Variants in NHS observed in about 807,000 individuals in gnomAD.
NHS encodes the protein actin remodeling regulator NHS.
NHS carries 5 observed loss-of-function variants against 72.5 expected under a neutral mutation model. The ratio of observed to expected loss-of-function variants is 0.07; its 90% CI spans 0.04 to 0.14. The LOEUF is 0.14. NHS is among the 10% of genes least tolerant of loss of function. NHS has a pLI of 1.00. For synonymous variants in NHS, 464 were observed against 547.7 expected, an observed-to-expected ratio of 0.85 and a Z score of 2.13; for missense variants, 1,072 against 1,355.7, an observed-to-expected ratio of 0.79 and a Z score of 3.29.
intron 2 of NHS, among the ~76,000 whole-genome samples, chrX:17,689,737 A>G (rs181931996): frequency 8.9e-6 from 1 of 112,652 alleles, no homozygotes; most frequent in African/African-American, 3.2e-5. Context: ...TTGAGGGCAC[A>G]GGATGACTAT....
At chrX:17,392,449 A>T (rs1167996726) in intron 1 of NHS, among the ~76,000 whole-genome samples, 1 of 112,393 alleles carries the variant, frequency 8.9e-6, no homozygotes. Context: ...CAGATGACAA[A>T]GTTACTCCAA....
intron 3 of NHS, among the ~76,000 whole-genome samples, chrX:17,704,294 AT>A (rs1268994599): frequency 9.1e-6 from 1 of 109,326 alleles, no homozygotes; most frequent in African/African-American, 3.3e-5. Flanking sequence ...AAATTTAAAA[AT>A]TAAAAAAAAA....
At chrX:17,566,988 G>T (rs1014650743) in intron 1 of NHS, among the ~76,000 whole-genome samples, 13 of 111,851 alleles carry the variant, frequency 1.2e-4, no homozygotes, top group African/African-American at 3.6e-4. Context: ...TCATCTGCCT[G>T]TCAAGCTGAG....
At chrX:17,431,895 A>G (rs1490590178) in intron 1 of NHS, among the ~76,000 whole-genome samples, 1 of 111,814 alleles carries the variant, frequency 8.9e-6, no homozygotes, top group African/African-American at 3.3e-5. Context: ...CATTTTGTTG[A>G]ACTTACTTGA....
At chrX:17,677,815 G>A (rs895013741) in intron 1 of NHS, among the ~76,000 whole-genome samples, 4 of 111,430 alleles carry the variant, frequency 3.6e-5, no homozygotes, top group African/African-American at 1.3e-4. Flanking sequence ...CTTTCATTTC[G>A]TTTTATTTTT....
At chrX:17,572,415 AT>A in intron 1 of NHS, among the ~76,000 whole-genome samples, 1 of 105,432 alleles carries the variant, frequency 9.5e-6, no homozygotes, top group East Asian at 3.0e-4. Context: ...CTTTACCATT[AT>A]ATAATGGCCT....
chrX:17,479,873 C>T (rs764884112), intron 1 of NHS, among the ~76,000 whole-genome samples: 10 of 111,878 alleles, frequency 8.9e-5, no homozygotes, highest in African/African-American at 3.2e-4. Context: ...GTTTCTTTTG[C>T]TGTGCAGAAG....
intron 1 of NHS, among the ~76,000 whole-genome samples, chrX:17,467,969 T>C (rs1269725772): frequency 2.7e-5 from 3 of 112,109 alleles, no homozygotes; most frequent in Non-Finnish European, 5.6e-5. Flanking sequence ...GAACACATGA[T>C]TATAAATAAT....
intron 1 of NHS, among the ~76,000 whole-genome samples, chrX:17,428,528 G>A (rs575795482): frequency 1.2e-4 from 13 of 111,868 alleles, no homozygotes; most frequent in South Asian, 3.8e-4. Flanking sequence ...TTGAGAATAG[G>A]TGGGCAATTT....
At chrX:17,618,213 G>A (rs928345122) in intron 1 of NHS, among the ~76,000 whole-genome samples, 1 of 111,926 alleles carries the variant, frequency 8.9e-6, no homozygotes, top group Non-Finnish European at 1.9e-5. Context: ...AGGGATTGAT[G>A]ATATATAAGT....
chrX:17,694,772 ATGT>A (rs1317308105), intron 3 of NHS, among the ~76,000 whole-genome samples: 3 of 111,831 alleles, frequency 2.7e-5, no homozygotes, highest in African/African-American at 9.8e-5. Flanking sequence ...TAAACATCAG[ATGT>A]TATTATTATT....
At chrX:17,419,756 G>A (rs1243961897) in intron 1 of NHS, among the ~76,000 whole-genome samples, 1 of 111,817 alleles carries the variant, frequency 8.9e-6, no homozygotes, top group Admixed American at 9.5e-5. Flanking sequence ...TATGTACCAT[G>A]AAAAGCTAAA....
Position 17,502,309 on chromosome X carries a change from A to G in NHS, c.565+125987A>G, listed in dbSNP as rs779242346. Among the ~76,000 whole-genome samples, 3 of 110,982 alleles carry G rather than the reference A, an allele frequency of 2.7e-5. No homozygotes were observed. In the South Asian group the frequency reaches 1.2e-3, roughly 43 times the overall value. On this transcript the variant is annotated intron_variant, in intron 1 of 8. Coordinates refer to ENST00000676302, the MANE Select transcript of NHS (RefSeq NM_001291867.2). ...TTAATCTCTGCGGTTGGAGCAGGAG[A>G]GTGAAGGGCAGTGGACAGACACTGC...
At chrX:17,669,814 A>G (rs1382027554) in intron 1 of NHS, among the ~76,000 whole-genome samples, 2 of 111,790 alleles carry the variant, frequency 1.8e-5, no homozygotes, top group African/African-American at 6.5e-5. Flanking sequence ...GCTTTTGGGG[A>G]CCTATTCAAG....
intron 5 of NHS, among the ~76,000 whole-genome samples, chrX:17,723,848 G>A (rs752150339): frequency 9.2e-6 from 1 of 108,648 alleles, no homozygotes; most frequent in East Asian, 3.0e-4. Flanking sequence ...CACAAAGACG[G>A]CTTTTAATGA....
At chrX:17,394,920 A>G in intron 1 of NHS, among the ~76,000 whole-genome samples, 1 of 111,336 alleles carries the variant, frequency 9.0e-6, no homozygotes, top group Non-Finnish European at 1.9e-5. Context: ...AGCCCCTCAA[A>G]ATTCTGTGAT....
At chrX:17,509,671 G>A (rs1236501068) in intron 1 of NHS, among the ~76,000 whole-genome samples, 1 of 111,938 alleles carries the variant, frequency 8.9e-6, no homozygotes, top group Non-Finnish European at 1.9e-5. Context: ...GAAGAAACTG[G>A]GACTCAGAGA....
chrX:17,703,771 AGTAATCTAT>A (rs1043133867), intron 3 of NHS, among the ~76,000 whole-genome samples: 3 of 112,353 alleles, frequency 2.7e-5, no homozygotes, highest in African/African-American at 9.7e-5. Context: ...TTTCCTTAAC[AGTAATCTAT>A]TTGAAAATGT....
chrX:17,384,509 A>C (rs1297447096), intron 1 of NHS, among the ~76,000 whole-genome samples: 2 of 112,382 alleles, frequency 1.8e-5, no homozygotes, highest in African/African-American at 6.5e-5. Flanking sequence ...TTTATCTAAG[A>C]AATCCTTGAG....
Sources: allele counts gnomAD v4.1 joint callset (sites outside exome capture counted in the v4.1 genomes callset), GRCh38; gene constraint gnomAD v4.1.1; transcripts MANE v1.5; gene names NCBI Gene and HGNC (gene_info 2026-07-23, HGNC 2026-07-21).